Variants in UNC5D observed in about 807,000 individuals in gnomAD.
The protein encoded by UNC5D is unc-5 netrin receptor D.
A neutral mutation model predicts 105.4 loss-of-function variants in UNC5D; 39 were observed. That is an observed-to-expected ratio of 0.37 (90% CI 0.29 to 0.48). The LOEUF is 0.48. UNC5D is among the 20% of genes least tolerant of loss of function. UNC5D has a pLI of 0.98. For synonymous variants in UNC5D, 452 were observed against 450.4 expected, an observed-to-expected ratio of 1.00 and a Z score of -0.04; for missense variants, 991 against 1,202.4, an observed-to-expected ratio of 0.82 and a Z score of 2.60.
At chr8:35,277,775 T>A (rs984229677) in intron 1 of UNC5D, among the ~76,000 whole-genome samples, 2 of 152,244 alleles carry the variant, frequency 1.3e-5, no homozygotes, top group African/African-American at 4.8e-5. Context: ...CATCTCTTGT[T>A]GTCTTTCTTG....
chr8:35,547,871 G>T (rs888617358), intron 1 of UNC5D, among the ~76,000 whole-genome samples: 3 of 152,050 alleles, frequency 2.0e-5, no homozygotes, highest in African/African-American at 7.2e-5. Flanking sequence ...ATTGACTCAC[G>T]ATCACAAGGT....
At chr8:35,313,236 C>A (rs1216125708) in intron 1 of UNC5D, among the ~76,000 whole-genome samples, 1 of 152,148 alleles carries the variant, frequency 6.6e-6, no homozygotes, top group Non-Finnish European at 1.5e-5. Context: ...AAATATTTAT[C>A]TTCAAGGAGA....
intron 3 of UNC5D, among the ~76,000 whole-genome samples, chr8:35,583,020 A>C (rs966180604): frequency 1.3e-5 from 2 of 152,158 alleles, no homozygotes; most frequent in African/African-American, 4.8e-5. Flanking sequence ...GAGTTGTAGA[A>C]ATTAAGCTGT....
chr8:35,270,176 C>CCAATTTTCCT (rs1225344846), intron 1 of UNC5D, among the ~76,000 whole-genome samples: 1 of 152,132 alleles, frequency 6.6e-6, no homozygotes, highest in African/African-American at 2.4e-5. Context: ...AGAAATTCTC[C>CCAATTTTCCT]CAATTTTCCT....
rs10692805 is a variant in UNC5D at position 35,662,186 on chromosome 8, CAAAAAAA to C, written c.571-21349_571-21343del. ...CCAAAAGGAACTAAACAAAAGCTTT[CAAAAAAA>C]AAAAAAAAAAACTGTGCGTAGTGGT... On this transcript the variant is annotated intron_variant, in intron 4 of 16. Transcript: ENST00000404895. Among the ~76,000 whole-genome samples the C allele has an allele frequency of 5.5e-5, 6 of 108,660 alleles. No individual in the cohort carries two copies. The South Asian group carries it at 1.9e-3, about 34-fold the overall frequency. 71.3% of individuals were successfully genotyped at this position (108,660 alleles called of 152,430 possible). A position where few individuals can be genotyped will look rare whatever the true frequency, so the allele number is the denominator to read the frequency against.
At chr8:35,591,277 AAG>A (rs1369038021) in intron 3 of UNC5D, among the ~76,000 whole-genome samples, 4 of 152,146 alleles carry the variant, frequency 2.6e-5, no homozygotes, top group Admixed American at 6.6e-5. Flanking sequence ...AAAAATAAAA[AAG>A]AATTTGATTA....
At chr8:35,365,008 T>A (rs1341737680) in intron 1 of UNC5D, among the ~76,000 whole-genome samples, 1 of 152,144 alleles carries the variant, frequency 6.6e-6, no homozygotes, top group Non-Finnish European at 1.5e-5. Context: ...GATCATGCTA[T>A]GCATTTATAA....
intron 1 of UNC5D, among the ~76,000 whole-genome samples, chr8:35,528,045 T>G (rs1335397318): frequency 6.6e-6 from 1 of 151,062 alleles, no homozygotes; most frequent in East Asian, 1.9e-4. Flanking sequence ...GCTGGTTTTT[T>G]TTTTTTTTTT....
At chr8:35,268,391 C>A (rs1200858093) in intron 1 of UNC5D, among the ~76,000 whole-genome samples, 3 of 152,076 alleles carry the variant, frequency 2.0e-5, no homozygotes, top group Admixed American at 2.0e-4. Flanking sequence ...CTTACAATGT[C>A]TTTTTCCACT....
intron 1 of UNC5D, among the ~76,000 whole-genome samples, chr8:35,528,364 A>G (rs1171031414): frequency 1.3e-5 from 2 of 151,300 alleles, no homozygotes; most frequent in African/African-American, 4.9e-5. Context: ...TGTCCCTACA[A>G]AGGACACAAA....
intron 4 of UNC5D, among the ~76,000 whole-genome samples, chr8:35,662,066 A>G (rs1824137597): frequency 6.6e-6 from 1 of 152,082 alleles, no homozygotes; most frequent in Admixed American, 6.6e-5. Context: ...TGATGCCAGG[A>G]CTAATTACTC....
intron 1 of UNC5D, among the ~76,000 whole-genome samples, chr8:35,327,090 G>A (rs1810223801): frequency 6.6e-6 from 1 of 152,100 alleles, no homozygotes; most frequent in Non-Finnish European, 1.5e-5. Context: ...GCAAAGCACC[G>A]AGGGTACATT....
At chr8:35,766,047 C>A (rs1027720507) in intron 14 of UNC5D, among the ~76,000 whole-genome samples, 1 of 152,146 alleles carries the variant, frequency 6.6e-6, no homozygotes, top group Non-Finnish European at 1.5e-5. Context: ...AGTCTGGTAG[C>A]AAGCACTGGC....
intron 3 of UNC5D, among the ~76,000 whole-genome samples, chr8:35,590,125 G>T (rs1819070359): frequency 2.0e-5 from 3 of 151,834 alleles, no homozygotes; most frequent in Non-Finnish European, 4.4e-5. Context: ...TATAAATTTT[G>T]TTTCACGTCC....
chr8:35,709,955 T>C (rs1397811458), intron 8 of UNC5D, among the ~76,000 whole-genome samples: 2 of 152,202 alleles, frequency 1.3e-5, no homozygotes, highest in African/African-American at 4.8e-5. Context: ...TGTTTTGTTA[T>C]AGTTTGAGTT....
In UNC5D at chr8:35,791,039, G is replaced by T; in HGVS notation, c.*476G>T. On this transcript the variant is annotated 3_prime_UTR_variant, in exon 17 of 17. Coordinates refer to ENST00000404895, the MANE Select transcript of UNC5D (RefSeq NM_080872.4). ...AAAATGGCTTTTAGACGTGAAACAGGGTTGCCAACCCATTTGTATGACTTC... is the reference window on the plus strand; with the variant it reads ...AAAATGGCTTTTAGACGTGAAACAGTGTTGCCAACCCATTTGTATGACTTC... 1 of 184,772 alleles carries T rather than the reference G, an allele frequency of 5.4e-6. No individual in the cohort carries two copies. 11.4% of individuals were successfully genotyped at this position (184,772 alleles called of 1,614,324 possible). A position where few individuals can be genotyped will look rare whatever the true frequency, so the allele number is the denominator to read the frequency against.
At chr8:35,668,095 G>A (rs1458528897) in intron 4 of UNC5D, among the ~76,000 whole-genome samples, 2 of 152,054 alleles carry the variant, frequency 1.3e-5, no homozygotes, top group Non-Finnish European at 2.9e-5. Flanking sequence ...CTATACTTCG[G>A]CAAACCTTAG....
chr8:35,260,822 G>T (rs1028473171), intron 1 of UNC5D, among the ~76,000 whole-genome samples: 1 of 152,162 alleles, frequency 6.6e-6, no homozygotes, highest in Non-Finnish European at 1.5e-5. Context: ...CAAAAACGTT[G>T]TCTTTTTTGG....
chr8:35,559,875 A>G (rs1250239239), intron 2 of UNC5D, among the ~76,000 whole-genome samples: 1 of 152,190 alleles, frequency 6.6e-6, no homozygotes, highest in Admixed American at 6.5e-5. Flanking sequence ...TCTGATAAAT[A>G]AGGGGATTAT....
Sources: gnomAD v4.1 joint callset for allele counts (sites outside exome capture counted in the v4.1 genomes callset) on GRCh38, gnomAD v4.1.1 for gene constraint, MANE v1.5 for transcripts, NCBI Gene and HGNC (gene_info 2026-07-23, HGNC 2026-07-21) for gene names.